BASP1: variants seen among roughly 807,000 people sequenced by gnomAD.
The protein encoded by BASP1 is brain abundant membrane attached signal protein 1.
In BASP1, 1 loss-of-function variant was observed where a neutral mutation model predicts 2.2. The ratio of observed to expected loss-of-function variants is 0.46; its 90% confidence interval spans 0.16 to 2.17. The LOEUF (loss-of-function observed/expected upper bound fraction) is 2.17. Among genes scored for constraint, BASP1 ranks in the 30% most tolerant of loss-of-function variants. The probability of loss-of-function intolerance (pLI) is 0.27; values close to 1 mark genes in which losing one functional copy is unlikely to be tolerated. For missense variants in BASP1, 352 were observed against 327.2 expected (o/e 1.08, Z -0.58); for synonymous variants, 187 against 154.2 (o/e 1.21, Z -1.58).
rs1295590629 is a variant in BASP1 at position 17,275,550 on chromosome 5, G to C, written c.334G>C (p.Gly112Arg). ...KAPEQEQAAPGPAAGGEAPKA... is the reference protein window; with the variant it reads ...KAPEQEQAAPRPAAGGEAPKA... Reference sequence around the variant, plus strand: ...GCCCGAGCAGGAGCAGGCGGCCCCCGGCCCCGCTGCGGGCGGCGAGGCCCC... The same window carrying C: ...GCCCGAGCAGGAGCAGGCGGCCCCCCGCCCCGCTGCGGGCGGCGAGGCCCC... Residue 112 changes from glycine (G) to arginine (R), a missense_variant, in exon 2 of 2, where the codon GGC (glycine) becomes CGC (arginine). Gly to Arg is a moderately radical substitution (Grantham distance 125, BLOSUM62 -2). Coordinates refer to ENST00000322611, the MANE Select transcript of BASP1 (RefSeq NM_006317.5). The surrounding 1 kb of genome is among the most constrained non-coding windows in gnomAD (Gnocchi z 5.3). 1 of 1,398,968 alleles carries C rather than the reference G, an allele frequency of 7.1e-7. No individual in the cohort carries two copies. The highest frequency in any genetic ancestry group is 1.6e-5 in the South Asian group (1 of 61,232). 86.7% of individuals were successfully genotyped at this position (1,398,968 alleles called of 1,614,324 possible).
At chr5:17,227,737 G>A (rs1472833473) in intron 1 of BASP1, among the ~76,000 whole-genome samples, 1 of 152,098 alleles carries the variant, frequency 6.6e-6, no homozygotes, top group Non-Finnish European at 1.5e-5. Flanking sequence ...AAAGAATCTC[G>A]ATTAACAATT....
chr5:17,230,532 C>T (rs1739610923), intron 1 of BASP1, among the ~76,000 whole-genome samples: 1 of 152,094 alleles, frequency 6.6e-6, no homozygotes, highest in Admixed American at 6.5e-5. Context: ...TAAGTCTACA[C>T]TTAACCCTTT....
chr5:17,244,590 G>A (rs1056300170), intron 1 of BASP1, among the ~76,000 whole-genome samples: 4 of 152,194 alleles, frequency 2.6e-5, no homozygotes, highest in Admixed American at 6.5e-5. Flanking sequence ...TGTTTACATC[G>A]TCAGACTTAA....
At chr5:17,243,342 CAG>C (rs1194131576) in intron 1 of BASP1, among the ~76,000 whole-genome samples, 3 of 152,046 alleles carry the variant, frequency 2.0e-5, no homozygotes, top group African/African-American at 4.8e-5. Flanking sequence ...TTAGTAGAGA[CAG>C]GGTTTCGCCA....
At chr5:17,229,933 C>T (rs1739597072) in intron 1 of BASP1, among the ~76,000 whole-genome samples, 1 of 151,924 alleles carries the variant, frequency 6.6e-6, no homozygotes, top group Admixed American at 6.5e-5. Context: ...TAGGCGTGTG[C>T]CACCACGCCC....
intron 1 of BASP1, among the ~76,000 whole-genome samples, chr5:17,266,617 G>A (rs533359912): frequency 5.3e-5 from 8 of 152,152 alleles, no homozygotes; most frequent in Middle Eastern, 3.4e-3. Context: ...GACTAGCTTG[G>A]CCAACATGGT....
chr5:17,267,441 T>A (rs972955319), intron 1 of BASP1, among the ~76,000 whole-genome samples: 3 of 152,220 alleles, frequency 2.0e-5, no homozygotes, highest in Non-Finnish European at 4.4e-5. Flanking sequence ...TAAATATAAT[T>A]GAAAATGTTA....
At chr5:17,249,749 A>G (rs2126506551) in intron 1 of BASP1, among the ~76,000 whole-genome samples, 1 of 152,192 alleles carries the variant, frequency 6.6e-6, no homozygotes, top group South Asian at 2.1e-4. Flanking sequence ...ACGTTTATCT[A>G]TCTTTGCATC....
chr5:17,267,065 C>T (rs928702693), intron 1 of BASP1, among the ~76,000 whole-genome samples: 4 of 152,132 alleles, frequency 2.6e-5, no homozygotes, highest in African/African-American at 9.7e-5. Flanking sequence ...TTGTGATTAG[C>T]CCTTGTGAGA....
At chr5:17,246,402 C>T (rs750102809) in intron 1 of BASP1, among the ~76,000 whole-genome samples, 3 of 151,882 alleles carry the variant, frequency 2.0e-5, no homozygotes, top group Non-Finnish European at 4.4e-5. Flanking sequence ...GCAGGAGAAT[C>T]GCTTGAACCT....
intron 1 of BASP1, among the ~76,000 whole-genome samples, chr5:17,272,129 C>T (rs879655968): frequency 6.6e-6 from 1 of 151,324 alleles, no homozygotes; most frequent in Non-Finnish European, 1.5e-5. Context: ...ACTGTATGCT[C>T]ATTGCTTTCT....
At chr5:17,242,359 G>A (rs540008461) in intron 1 of BASP1, among the ~76,000 whole-genome samples, 68 of 152,072 alleles carry the variant, frequency 4.5e-4, no homozygotes, top group Non-Finnish European at 8.5e-4. Flanking sequence ...ATGTTCACAC[G>A]AAATTGAGTG....
chr5:17,247,278 T>G (rs543694808), intron 1 of BASP1, among the ~76,000 whole-genome samples: 2 of 152,350 alleles, frequency 1.3e-5, no homozygotes, highest in South Asian at 4.1e-4. Flanking sequence ...TTCCGAATGT[T>G]GGATTCTTAA....
In BASP1 at chr5:17,275,947, CT is replaced by C. The variant is rs781757969; in HGVS notation, c.*48del. On this transcript the variant is annotated 3_prime_UTR_variant, in exon 2 of 2. Coordinates refer to ENST00000322611, the MANE Select transcript of BASP1 (RefSeq NM_006317.5). This position sits in a 1 kb window ranked among gnomAD's most constrained non-coding sequence, Gnocchi z 5.3. ...ACAATACCACTTAAAACAATCTCCT[CT>C]CTCTCTCTCTCTCTCTCTCTCTATC... 265 of 345,868 alleles carry C rather than the reference CT, an allele frequency of 7.7e-4. 1 individual carries two copies. In the African/African-American group the frequency reaches 8.9e-3, roughly 12 times the overall value. The allele number at this position is 345,868 out of a possible 1,614,324, so 21.4% of individuals were successfully genotyped here.
At chr5:17,247,866 C>T (rs1266399834) in intron 1 of BASP1, among the ~76,000 whole-genome samples, 3 of 152,150 alleles carry the variant, frequency 2.0e-5, no homozygotes, top group Admixed American at 6.5e-5. Flanking sequence ...AAATATTTAG[C>T]GTTTTTGTGG....
intron 1 of BASP1, among the ~76,000 whole-genome samples, chr5:17,256,597 C>G (rs1188182312): frequency 2.0e-5 from 3 of 152,194 alleles, no homozygotes; most frequent in Non-Finnish European, 2.9e-5. Flanking sequence ...AAATAACCAA[C>G]CCTGGGAGGT....
chr5:17,268,590 C>CAGT (rs1740470992), intron 1 of BASP1, among the ~76,000 whole-genome samples: 2 of 152,134 alleles, frequency 1.3e-5, no homozygotes, highest in Admixed American at 1.3e-4. Flanking sequence ...GATCTGGACC[C>CAGT]AGTGTGTCCT....
At chr5:17,218,865 G>C (rs1739328004) in intron 1 of BASP1, among the ~76,000 whole-genome samples, 1 of 151,924 alleles carries the variant, frequency 6.6e-6, no homozygotes, top group Non-Finnish European at 1.5e-5. Flanking sequence ...GCTTGGCCAG[G>C]CTCCTTATCT....
intron 1 of BASP1, among the ~76,000 whole-genome samples, chr5:17,256,711 G>A (rs1289930060): frequency 6.6e-6 from 1 of 152,126 alleles, no homozygotes; most frequent in Non-Finnish European, 1.5e-5. Context: ...TAAAAATCAA[G>A]TACAATGAAT....
Sources: gnomAD v4.1 joint callset for allele counts (sites outside exome capture counted in the v4.1 genomes callset) on GRCh38, gnomAD v4.1.1 for gene constraint, Gnocchi (gnomAD v3.1) non-coding constraint, MANE v1.5 for transcripts, NCBI Gene and HGNC (gene_info 2026-07-23, HGNC 2026-07-21) for gene names.